Variants in CENPW observed in about 807,000 individuals in gnomAD.
The protein encoded by CENPW is centromere protein W.
In CENPW, 3 loss-of-function variants were observed where a neutral mutation model predicts 11.1. The observed-to-expected ratio is 0.27, with a 90% CI of 0.12 to 0.70. The LOEUF (loss-of-function observed/expected upper bound fraction) is 0.70. CENPW is among the 30% of genes least tolerant of loss of function. The pLI is 0.77. For synonymous variants in CENPW, 38 were observed against 42.0 expected, an observed-to-expected ratio of 0.91 and a Z score of 0.37; for missense variants, 100 against 105.6, an observed-to-expected ratio of 0.95 and a Z score of 0.23.
the CENPW span, among the ~76,000 whole-genome samples, chr6:126,371,812 T>C: frequency 6.6e-6 from 1 of 152,148 alleles, no homozygotes; most frequent in Non-Finnish European, 1.5e-5. Flanking sequence ...TCTACAAGCG[T>C]TGTATATTTC....
chr6:126,411,549 C>T, the CENPW span, among the ~76,000 whole-genome samples: 1 of 152,104 alleles, frequency 6.6e-6, no homozygotes, highest in Non-Finnish European at 1.5e-5. Flanking sequence ...CAAGTTCACT[C>T]TCTGTATCAG....
At chr6:126,460,361 G>A in the CENPW span, among the ~76,000 whole-genome samples, 3 of 151,596 alleles carry the variant, frequency 2.0e-5, no homozygotes, top group Non-Finnish European at 3.0e-5. Flanking sequence ...TCAAATTGAT[G>A]GTTCTGAGAA....
chr6:126,356,861 TTTTCTCCCA>T, the CENPW span, among the ~76,000 whole-genome samples: 181 of 152,290 alleles, frequency 1.2e-3, 1 homozygote, highest in African/African-American at 4.2e-3. Flanking sequence ...TTTGCACATA[TTTTCTCCCA>T]TTTCTCCCAT....
chr6:126,448,852 C>A, the CENPW span, among the ~76,000 whole-genome samples: 1 of 151,038 alleles, frequency 6.6e-6, no homozygotes, highest in African/African-American at 2.4e-5. Context: ...ACCTGTCTCC[C>A]CCAAAAGTCG....
At chr6:126,353,813 G>T (rs928459957), downstream of CENPW, among the ~76,000 whole-genome samples, 2 of 151,738 alleles carry the variant, frequency 1.3e-5, no homozygotes, top group Admixed American at 1.3e-4. Context: ...GGCTATTTCT[G>T]TTGACTTGTC....
At chr6:126,346,801 A>G (rs975585330) in intron 2 of CENPW, among the ~76,000 whole-genome samples, 2 of 152,128 alleles carry the variant, frequency 1.3e-5, no homozygotes, top group Non-Finnish European at 2.9e-5. Context: ...AGGGATTACA[A>G]TGTGAGGTGA....
At chr6:126,463,075 A>T in the CENPW span, among the ~76,000 whole-genome samples, 9 of 152,070 alleles carry the variant, frequency 5.9e-5, no homozygotes, top group Non-Finnish European at 1.2e-4. Context: ...TGGAATCACG[A>T]GTTTTAACTG....
At chr6:126,466,021 T>C in the CENPW span, among the ~76,000 whole-genome samples, 2 of 152,044 alleles carry the variant, frequency 1.3e-5, no homozygotes, top group Admixed American at 1.3e-4. Context: ...GGATGTATAG[T>C]GGAAGGTTTG....
the CENPW span, among the ~76,000 whole-genome samples, chr6:126,432,219 A>T: frequency 6.6e-6 from 1 of 152,070 alleles, no homozygotes; most frequent in Non-Finnish European, 1.5e-5. Context: ...AATGTCCATA[A>T]ATACTCATGG....
the CENPW span, among the ~76,000 whole-genome samples, chr6:126,366,629 T>C: frequency 7.9e-5 from 12 of 152,224 alleles, no homozygotes; most frequent in Non-Finnish European, 1.8e-4. Flanking sequence ...TAGGCATGTT[T>C]GTTTACTTAA....
At chr6:126,442,405 G>T in the CENPW span, among the ~76,000 whole-genome samples, 2 of 151,330 alleles carry the variant, frequency 1.3e-5, no homozygotes, top group Admixed American at 6.6e-5. Flanking sequence ...CACAGCAAAA[G>T]AAATGATCAG....
At chr6:126,465,100 T>C in the CENPW span, among the ~76,000 whole-genome samples, 4 of 152,104 alleles carry the variant, frequency 2.6e-5, no homozygotes, top group Non-Finnish European at 5.9e-5. Flanking sequence ...TATGATCATT[T>C]ATATAGAAAA....
At chr6:126,436,944 A>G in the CENPW span, among the ~76,000 whole-genome samples, 2 of 151,656 alleles carry the variant, frequency 1.3e-5, no homozygotes, top group East Asian at 3.9e-4. Flanking sequence ...TACGTTGGAG[A>G]GTTAGTTACA....
chr6:126,474,889 A>C, the CENPW span, among the ~76,000 whole-genome samples: 1 of 152,102 alleles, frequency 6.6e-6, no homozygotes, highest in Non-Finnish European at 1.5e-5. Context: ...CAGTTCCATA[A>C]ATTTTACTTT....
chr6:126,440,028 G>C, the CENPW span, among the ~76,000 whole-genome samples: 11 of 151,504 alleles, frequency 7.3e-5, no homozygotes, highest in African/African-American at 2.7e-4. Flanking sequence ...GATCATTTTT[G>C]GTAGTCAAAC....
At chr6:126,401,562 C>A in the CENPW span, among the ~76,000 whole-genome samples, 22 of 151,878 alleles carry the variant, frequency 1.4e-4, no homozygotes, top group African/African-American at 5.1e-4. Flanking sequence ...CCCACAGGAG[C>A]AGAGGAATTT....
At chr6:126,372,324 A>G in the CENPW span, among the ~76,000 whole-genome samples, 1 of 152,212 alleles carries the variant, frequency 6.6e-6, no homozygotes, top group Non-Finnish European at 1.5e-5. Flanking sequence ...ATATCAGTAT[A>G]TAGTTTTAAC....
At chr6:126,383,750 A>C in the CENPW span, among the ~76,000 whole-genome samples, 5 of 152,170 alleles carry the variant, frequency 3.3e-5, no homozygotes, top group Non-Finnish European at 7.4e-5. Context: ...TGCACCCAAC[A>C]CAGGAGCACC....
In CENPW at chr6:126,340,237, C is replaced by A. The variant is rs1349904078; in HGVS notation, c.-37C>A. 1 of 1,607,098 alleles carries A rather than the reference C, an allele frequency of 6.2e-7. No individual in the cohort carries two copies. Among genetic ancestry groups the A allele is most frequent in the Admixed American group, 1.7e-5 (1 of 59,904 alleles). Reference sequence around the variant, plus strand: ...GAGCTTGTGTGCGATACAGAGAGCACCTCGGAAGCTGAGGCAGCTGGTACT... The same window carrying A: ...GAGCTTGTGTGCGATACAGAGAGCAACTCGGAAGCTGAGGCAGCTGGTACT... On this transcript the variant is annotated 5_prime_UTR_variant, in exon 1 of 3. Coordinates refer to ENST00000368328, the MANE Select transcript of CENPW (RefSeq NM_001012507.4).
Sources: allele counts gnomAD v4.1 joint callset (sites outside exome capture counted in the v4.1 genomes callset), GRCh38; gene constraint gnomAD v4.1.1; transcripts MANE v1.5; gene names NCBI Gene and HGNC (gene_info 2026-07-23, HGNC 2026-07-21).